FREM3: variants seen among roughly 807,000 people sequenced by gnomAD.
The protein encoded by FREM3 is FRAS1 related extracellular matrix 3, also known as FRAS1-related extracellular matrix protein 3.
FREM3 carries 105 observed loss-of-function variants against 129.1 expected under a neutral mutation model. The ratio of observed to expected loss-of-function variants is 0.81; its 90% confidence interval spans 0.69 to 0.96. The LOEUF (loss-of-function observed/expected upper bound fraction) is 0.96. Ranked by LOEUF, FREM3 falls within the 40% of genes least tolerant of loss-of-function variation. The pLI, the probability that FREM3 is intolerant of heterozygous loss-of-function variation, is 0.00. For synonymous variants in FREM3, 1,014 were observed against 1,044.9 expected, an observed-to-expected ratio of 0.97 and a Z score of 0.57; for missense variants, 2,593 against 2,666.3, an observed-to-expected ratio of 0.97 and a Z score of 0.61.
chr4:143,642,715 C>T (rs1739342511), intron 2 of FREM3, among the ~76,000 whole-genome samples: 1 of 152,124 alleles, frequency 6.6e-6, no homozygotes, highest in South Asian at 2.1e-4. Flanking sequence ...CACTTCATAA[C>T]ATTGGGCTGG....
intron 2 of FREM3, among the ~76,000 whole-genome samples, chr4:143,687,860 C>A (rs373842533): frequency 2.0e-5 from 3 of 152,072 alleles, no homozygotes; most frequent in Admixed American, 2.0e-4. Flanking sequence ...AAGGGACATA[C>A]CTTAATGTAA....
Position 143,700,067 on chromosome 4 carries a change from C to T in FREM3, c.609G>A (p.Thr203=), listed in dbSNP as rs753003547. 1.3e-6 allele frequency: 2 copies of T among 1,523,910 alleles called. No individual in the cohort carries two copies. Among genetic ancestry groups the T allele is most frequent in the Non-Finnish European group, 1.8e-6 (2 of 1,137,380 alleles). 94.4% of individuals were successfully genotyped at this position (1,523,910 alleles called of 1,614,324 possible). The change falls in exon 1 of 8, where the codon ACG becomes ACA. Residue 203 remains threonine (T), a synonymous_variant. Transcript: ENST00000329798. ...LDFASLKSGA[T]ATRRCRLTPL... ...GGGTAAGCCGGCACCTGCGGGTGGC[C>T]GTGGCTCCAGACTTCAGGGAGGCGA...
At chr4:143,651,615 G>A (rs992629825) in intron 2 of FREM3, among the ~76,000 whole-genome samples, 24 of 152,222 alleles carry the variant, frequency 1.6e-4, no homozygotes. Flanking sequence ...GATTAGTAAA[G>A]TGGTCAACTG....
intron 2 of FREM3, among the ~76,000 whole-genome samples, chr4:143,629,198 T>G (rs1739097833): frequency 6.6e-6 from 1 of 152,154 alleles, no homozygotes; most frequent in South Asian, 2.1e-4. Context: ...TATACCAGAC[T>G]GTGCTCTGCC....
At chr4:143,677,212 A>G (rs1220341164) in intron 2 of FREM3, among the ~76,000 whole-genome samples, 1 of 152,210 alleles carries the variant, frequency 6.6e-6, no homozygotes, top group Non-Finnish European at 1.5e-5. Flanking sequence ...CCAATGGAAC[A>G]GAACAGAGCC....
chr4:143,619,874 T>A (rs1359101797), intron 5 of FREM3, among the ~76,000 whole-genome samples: 4 of 151,756 alleles, frequency 2.6e-5, no homozygotes, highest in Admixed American at 2.6e-4. Flanking sequence ...GGGGTATTAT[T>A]TAAAAAAAAA....
intron 2 of FREM3, among the ~76,000 whole-genome samples, chr4:143,687,164 A>G (rs1469356074): frequency 6.6e-6 from 1 of 152,200 alleles, no homozygotes; most frequent in African/African-American, 2.4e-5. Flanking sequence ...AAAACAGGAG[A>G]TAGTACAACT....
intron 2 of FREM3, among the ~76,000 whole-genome samples, chr4:143,670,742 C>A (rs1472861350): frequency 6.6e-6 from 1 of 152,128 alleles, no homozygotes; most frequent in Non-Finnish European, 1.5e-5. Flanking sequence ...CATAATATTT[C>A]TTTTTCTTTC....
intron 2 of FREM3, among the ~76,000 whole-genome samples, chr4:143,688,785 C>T (rs1274049680): frequency 3.9e-5 from 6 of 152,150 alleles, no homozygotes; most frequent in Non-Finnish European, 8.8e-5. Flanking sequence ...AAAGGACACC[C>T]TTTTCAACAA....
chr4:143,587,475 A>T lies in FREM3; in HGVS notation c.6029-1482T>A, dbSNP rs981856113. Among the ~76,000 whole-genome samples the T allele has an allele frequency of 3.3e-5, 5 of 152,192 alleles. No homozygotes were observed. The South Asian group carries it at 6.2e-4, about 19-fold the overall frequency. Reference sequence around the variant, plus strand: ...TTTTTAATGAACATGTAGTAATTGTATGTATTTATGGGGTACATAGTGGTG... The same window carrying T: ...TTTTTAATGAACATGTAGTAATTGTTTGTATTTATGGGGTACATAGTGGTG... On this transcript the variant is annotated intron_variant, in intron 6 of 7. Coordinates refer to ENST00000329798, the MANE Select transcript of FREM3 (RefSeq NM_001168235.2).
intron 2 of FREM3, among the ~76,000 whole-genome samples, chr4:143,666,082 C>T (rs1168196113): frequency 6.6e-6 from 1 of 151,938 alleles, no homozygotes; most frequent in Non-Finnish European, 1.5e-5. Flanking sequence ...AAATACCTGC[C>T]AGGGTTTTAC....
Position 143,700,375 on chromosome 4 carries a change from C to T in FREM3, c.301G>A (p.Asp101Asn). 1 of 1,535,222 alleles carries T rather than the reference C, an allele frequency of 6.5e-7. No homozygotes were observed. The change falls in exon 1 of 8, where the codon GAC becomes AAC. Residue 101 changes from aspartate to asparagine, a missense_variant. By Grantham distance (23) the Asp-to-Asn change is conservative. Coordinates refer to ENST00000329798, the MANE Select transcript of FREM3 (RefSeq NM_001168235.2). ...GCGCCCTTGAGCCGCGGCAGGGCGT[C>T]CAGTACCGTGACTTCGCACCGGTCC... ...PGDRCEVTVL[D>N]ALPRLKGALS...
rs906067805 is a variant in FREM3, at chr4:143,640,029, C to T, written c.5276-12269G>A. Among the ~76,000 whole-genome samples the T allele has an allele frequency of 3.3e-5, 5 of 152,316 alleles. 1 individual carries two copies. The East Asian group carries it at 7.7e-4, about 24-fold the overall frequency. ...ACACAGGCCAGCGATACCAAGTTCT[C>T]ATGCTGTTTCACATCTCTGAAAACT... On this transcript the variant is annotated intron_variant, in intron 2 of 7. Coordinates refer to ENST00000329798, the MANE Select transcript of FREM3 (RefSeq NM_001168235.2).
chr4:143,654,640 C>T (rs1001743384), intron 2 of FREM3, among the ~76,000 whole-genome samples: 1 of 152,178 alleles, frequency 6.6e-6, no homozygotes, highest in South Asian at 2.1e-4. Flanking sequence ...CTTCTAGCTG[C>T]ACTTGTTTTC....
chr4:143,673,218 T>A (rs956600880), intron 2 of FREM3, among the ~76,000 whole-genome samples: 3 of 152,226 alleles, frequency 2.0e-5, no homozygotes, highest in Non-Finnish European at 4.4e-5. Context: ...CCCATCTTTG[T>A]GGTTTTATCT....
intron 2 of FREM3, among the ~76,000 whole-genome samples, chr4:143,683,637 A>G (rs1373956494): frequency 2.0e-5 from 3 of 152,246 alleles, no homozygotes; most frequent in Admixed American, 1.3e-4. Flanking sequence ...CTTTGTAACA[A>G]TTTGAACGGG....
chr4:143,592,931 C>T (rs955909049), intron 6 of FREM3, among the ~76,000 whole-genome samples: 2 of 152,142 alleles, frequency 1.3e-5, no homozygotes, highest in Non-Finnish European at 2.9e-5. Context: ...GGAGGCTTTG[C>T]TCGTTTCTTT....
chr4:143,644,966 T>G (rs1316865900), intron 2 of FREM3: 1 of 152,210 alleles, frequency 6.6e-6, no homozygotes, highest in Non-Finnish European at 1.5e-5. Flanking sequence ...TAATTTCTGA[T>G]TCTGGCCTTC....
rs1740611564 is a variant in FREM3, at chr4:143,697,983, C to T, written c.2693G>A (p.Gly898Glu). ...TCTGCCATGCTGGTAAGAGACACTC[C>T]CGTTAATAACATCAGCTTGCATGAA... ...ESFMQADVIN[G>E]SVSYQHGRDQ... is the part of the protein sequence containing the mutation. The change falls in exon 1 of 8, where the codon GGG becomes GAG. Residue 898 changes from glycine (G) to glutamate (E), a missense_variant. Transcript: ENST00000329798. 1 of 1,537,518 alleles carries T rather than the reference C, an allele frequency of 6.5e-7. No homozygotes were observed. Among genetic ancestry groups the T allele is most frequent in the South Asian group, 1.2e-5 (1 of 84,054 alleles).
Sources: gnomAD v4.1 joint callset for allele counts (sites outside exome capture counted in the v4.1 genomes callset) on GRCh38, gnomAD v4.1.1 for gene constraint, MANE v1.5 for transcripts, NCBI Gene and HGNC (gene_info 2026-07-23, HGNC 2026-07-21) for gene names.